Variants in APOB observed in about 807,000 individuals in gnomAD.
APOB encodes the protein apolipoprotein B-100.
In APOB, 153 loss-of-function variants were observed where a neutral mutation model predicts 314.1. The ratio of observed to expected loss-of-function variants is 0.49; its 90% CI spans 0.43 to 0.56. The LOEUF (loss-of-function observed/expected upper bound fraction) is 0.56. Ranked by LOEUF, APOB falls within the 20% of genes least tolerant of loss-of-function variation. The pLI, the probability that APOB is intolerant of heterozygous loss-of-function variation, is 0.00. For missense variants in APOB, 5,430 were observed against 5,350.7 expected (o/e 1.01, Z -0.46); for synonymous variants, 2,087 against 2,036.4 (o/e 1.02, Z -0.67).
chr2:21,005,581 G>C lies in APOB; in HGVS notation c.11287C>G (p.Leu3763Val), dbSNP rs760189378. Residue 3763 changes from leucine to valine, a missense_variant, in exon 26 of 29, where the codon CTT (leucine) becomes GTT (valine). Around this residue, in one of 3 missense-constraint regions of APOB, gnomAD observed 3,281 missense variants for 3,171.0 expected, o/e 1.03. Coordinates refer to ENST00000233242, the MANE Select transcript of APOB (RefSeq NM_000384.3). ...TAGATTTGTATTTCTCTGAAGTCAA[G>C]TTTGCACGATGGAACCTGAAGATCT... is the stretch of plus-strand genomic sequence containing the variant. Reference protein sequence around the residue: ...FTDLQVPSCKLDFREIQIYKK... With the variant: ...FTDLQVPSCKVDFREIQIYKK... The C allele has an allele frequency of 1.2e-6, 2 of 1,614,070 alleles. No homozygotes were observed. Among genetic ancestry groups the C allele is most frequent in the East Asian group, 2.2e-5 (1 of 44,888 alleles).
Position 21,006,097 on chromosome 2 carries a change from G to A in APOB, c.10771C>T (p.Leu3591Phe), listed in dbSNP as rs1442009181. The change falls in exon 26 of 29, where the codon CTC becomes TTC. Residue 3591 changes from leucine (L) to phenylalanine (F), a missense_variant. This residue lies in a region of APOB where 3,281 missense variants were observed against 3,171.0 expected (regional missense o/e 1.03). Transcript: ENST00000233242. ...AGAGCTGACATTTGCCATGGAGAGA[G>A]TTCCAGGGTGGCTTTGCTTGTATGT... is the stretch of plus-strand genomic sequence containing the variant. ...GEHTSKATLELSPWQMSALVQ... is the reference protein window; with the variant it reads ...GEHTSKATLEFSPWQMSALVQ... The A allele has an allele frequency of 1.2e-6, 2 of 1,614,056 alleles. No homozygotes were observed. The highest frequency in any genetic ancestry group is 1.7e-6 in the Non-Finnish European group (2 of 1,179,966).
Position 21,006,208 on chromosome 2 carries a change from C to T in APOB, c.10660G>A (p.Ala3554Thr). 3.7e-6 allele frequency: 6 copies of T among 1,614,032 alleles called. No homozygotes were observed. Among genetic ancestry groups the T allele is most frequent in the Non-Finnish European group, 5.1e-6 (6 of 1,179,948 alleles). Residue 3554 changes from alanine (A) to threonine (T), a missense_variant, in exon 26 of 29, where the codon GCC becomes ACC. Ala to Thr is a moderately conservative substitution (Grantham distance 58). Around this residue, in one of 3 missense-constraint regions of APOB, gnomAD observed 3,281 missense variants for 3,171.0 expected, o/e 1.03. Transcript: ENST00000233242. ...AGGGAATATATGCGTTGGAGTGTGG[C>T]TTCTCCAGCAAAATTTTCTTTTACT... ...LEVKENFAGE[A>T]TLQRIYSLWE...
intron 12 of APOB, 33 bp downstream of exon 12, chr2:21,029,606 T>G: frequency 6.2e-7 from 1 of 1,613,086 alleles, no homozygotes. Context: ...GTTAATAAAC[T>G]TTCACTTTCA....
rs773987185 is a variant in APOB, at chr2:21,023,633, C to T, written c.2496G>A (p.Met832Ile). The change falls in exon 17 of 29, where the codon ATG (methionine) becomes ATA (isoleucine). Residue 832 changes from methionine (M) to isoleucine (I), a missense_variant. Physicochemically the swap from Met to Ile is conservative, Grantham distance 10. Transcript: ENST00000233242. The part of the protein sequence containing the change: ...KNDFFLHYIF[M>I]ENAFELPTGA... ...CAGTGGGGAGTTCAAAGGCATTCTCCATGAAGATGTAGTGAAGAAAAAAGT... is the reference window on the plus strand; with the variant it reads ...CAGTGGGGAGTTCAAAGGCATTCTCTATGAAGATGTAGTGAAGAAAAAAGT... 1.9e-6 allele frequency: 3 copies of T among 1,613,932 alleles called. No individual in the cohort carries two copies. Among genetic ancestry groups the T allele is most frequent in the Admixed American group, 1.7e-5 (1 of 60,000 alleles).
intron 19 of APOB, 71 bp from the exon 20 acceptor site, chr2:21,019,184 A>G (rs984443031): frequency 6.3e-7 from 1 of 1,595,156 alleles, no homozygotes; most frequent in African/African-American, 1.3e-5. Flanking sequence ...TTCCCAAAAC[A>G]ATTCAGCCTC....
intron 6 of APOB, among the ~76,000 whole-genome samples, 161 bp from the exon 7 acceptor site, chr2:21,035,869 A>C (rs528151281): frequency 2.2e-4 from 33 of 152,342 alleles, no homozygotes; most frequent in African/African-American, 7.0e-4. Context: ...GGGTGCAACA[A>C]GTCGGCATCC....
Position 21,011,534 on chromosome 2 carries a change from C to T in APOB, c.5334G>A (p.Lys1778=), listed in dbSNP as rs778357046. Residue 1778 remains lysine, a synonymous_variant, in exon 26 of 29, where the codon AAG becomes AAA. Coordinates refer to ENST00000233242, the MANE Select transcript of APOB (RefSeq NM_000384.3). ...SKLDNIYSSD[K]FYKQTVNLQL... is the part of the protein sequence containing the mutation. Reference sequence around the variant, plus strand: ...GTAAATTAACAGTTTGCTTATAAAACTTGTCAGAGCTGTAAATGTTGTCAA... The same window carrying T: ...GTAAATTAACAGTTTGCTTATAAAATTTGTCAGAGCTGTAAATGTTGTCAA... 2.5e-6 allele frequency: 4 copies of T among 1,613,994 alleles called. No individual in the cohort carries two copies. Among genetic ancestry groups the T allele is most frequent in the Non-Finnish European group, 3.4e-6 (4 of 1,179,996 alleles).
At chr2:21,024,877 C>T (rs1663694135) in intron 16 of APOB, 56 bp downstream of exon 16, 1 of 1,566,422 alleles carries the variant, frequency 6.4e-7, no homozygotes, top group African/African-American at 1.4e-5. Context: ...TCTGGGCGAT[C>T]TAAAAAAAAA....
chr2:21,033,151 C>A (rs1663920052), intron 9 of APOB, 148 bp downstream of exon 9: 3 of 688,886 alleles, frequency 4.4e-6, no homozygotes, highest in African/African-American at 3.5e-5. Context: ...GCTGATAGTT[C>A]TCTATCCAGC....
In APOB at chr2:21,003,304, T is replaced by C; in HGVS notation, c.12118A>G (p.Lys4040Glu). The change falls in exon 29 of 29, where the codon AAA becomes GAA. Residue 4040 changes from lysine to glutamate, a missense_variant. Physicochemically the swap from Lys to Glu is moderately conservative, Grantham distance 56. Around this residue, in one of 3 missense-constraint regions of APOB, gnomAD observed 3,281 missense variants for 3,171.0 expected, o/e 1.03. Transcript: ENST00000233242. ...SSPDKKLTIF[K>E]TELRVRESDE... ...GATTCCCGGACCCTCAACTCAGTTT[T>C]GAATATGGTGAGTTTTTTATCTGGA... 1 of 1,613,700 alleles carries C rather than the reference T, an allele frequency of 6.2e-7. No homozygotes were observed. Among genetic ancestry groups the C allele is most frequent in the Non-Finnish European group, 8.5e-7 (1 of 1,179,920 alleles).
Position 21,005,223 on chromosome 2 carries a change from G to T in APOB, c.11645C>A (p.Ala3882Glu), listed in dbSNP as rs779802821. Residue 3882 changes from alanine to glutamate, a missense_variant, in exon 26 of 29, where the codon GCA (alanine) becomes GAA (glutamate). This residue lies in a region of APOB where 3,281 missense variants were observed against 3,171.0 expected (regional missense o/e 1.03). Coordinates refer to ENST00000233242, the MANE Select transcript of APOB (RefSeq NM_000384.3). ...PAGIVIPSFQ[A>E]LTARFEVDSP... Reference sequence around the variant, plus strand: ...GTCTACCTCAAAGCGTGCAGTCAGTGCTTGAAAGGAAGGAATGACAATTCC... The same window carrying T: ...GTCTACCTCAAAGCGTGCAGTCAGTTCTTGAAAGGAAGGAATGACAATTCC... 1 of 1,614,078 alleles carries T rather than the reference G, an allele frequency of 6.2e-7. No homozygotes were observed. The highest frequency in any genetic ancestry group is 8.5e-7 in the Non-Finnish European group (1 of 1,179,972).
intron 4 of APOB, among the ~76,000 whole-genome samples, chr2:21,039,223 C>T (rs1242392579): frequency 6.6e-6 from 1 of 152,242 alleles, no homozygotes; most frequent in Non-Finnish European, 1.5e-5. Context: ...GCACACTTTT[C>T]CTCACTGGCC....
intron 6 of APOB, 97 bp downstream of exon 6, chr2:21,037,003 G>C: frequency 6.7e-7 from 1 of 1,484,384 alleles, no homozygotes; most frequent in African/African-American, 1.4e-5. Context: ...GCCAGGGCAG[G>C]CTGTCCTCAA....
At chr2:21,027,729 G>A in intron 14 of APOB, 99 bp downstream of exon 14, 5 of 918,314 alleles carry the variant, frequency 5.4e-6, no homozygotes, top group Non-Finnish European at 9.0e-6. Context: ...GTGCCTGGTG[G>A]TTCTTAGTTT....
At chr2:21,003,642 G>T (rs1572776124) in intron 28 of APOB, among the ~76,000 whole-genome samples, 1 of 152,128 alleles carries the variant, frequency 6.6e-6, no homozygotes, top group East Asian at 1.9e-4. Flanking sequence ...GTGGGGGGAA[G>T]AGAAAGAAGA....
intron 12 of APOB, 23 bp downstream of exon 12, chr2:21,029,616 A>G (rs770457328): frequency 6.2e-7 from 1 of 1,613,882 alleles, no homozygotes; most frequent in Non-Finnish European, 8.5e-7. Context: ...TTTCACTTTC[A>G]GACCTCTTCT....
chr2:21,001,818 A>T lies in APOB; in HGVS notation c.13604T>A (p.Ile4535Asn). Residue 4535 changes from isoleucine (I) to asparagine (N), a missense_variant, in exon 29 of 29, where the codon ATC becomes AAC. Transcript: ENST00000233242. ...IQNYHTFLIYITELLKKLQST... is the reference protein window; with the variant it reads ...IQNYHTFLIYNTELLKKLQST... ...TTGCAGCTTTTTCAGTAACTCCGTGATGTATATCAGAAATGTGTGGTAGTT... is the reference window on the plus strand; with the variant it reads ...TTGCAGCTTTTTCAGTAACTCCGTGTTGTATATCAGAAATGTGTGGTAGTT... 1 of 1,614,006 alleles carries T rather than the reference A, an allele frequency of 6.2e-7. No homozygotes were observed. The highest frequency in any genetic ancestry group is 8.5e-7 in the Non-Finnish European group (1 of 1,179,956).
In APOB at chr2:21,042,402, C is replaced by A; in HGVS notation, c.196G>T (p.Gly66Trp). ...GTGGCACTTCTTGAATCAGCAGTCC[C>A]AGGGACTCCACTGGAACTCTCAGCC... ...YEAESSSGVP[G>W]TADSRSATRI... is the part of the protein sequence containing the mutation. The change falls in exon 3 of 29, where the codon GGG (glycine) becomes TGG (tryptophan). Residue 66 changes from glycine (G) to tryptophan (W), a missense_variant. Gly to Trp is a radical substitution (Grantham distance 184). This residue lies in a region of APOB where 2,085 missense variants were observed against 2,079.7 expected (regional missense o/e 1.00). Transcript: ENST00000233242. The A allele has an allele frequency of 6.2e-7, 1 of 1,614,098 alleles. No individual in the cohort carries two copies. The highest frequency in any genetic ancestry group is 8.5e-7 in the Non-Finnish European group (1 of 1,180,022).
chr2:21,015,686 A>G lies in APOB; in HGVS notation c.3333-141T>C. 1.4e-5 allele frequency: 13 copies of G among 904,038 alleles called. 1 individual carries two copies. The South Asian group carries it at 1.7e-4, about 12-fold the overall frequency. 56.0% of individuals were successfully genotyped at this position (904,038 alleles called of 1,614,324 possible). A position where few individuals can be genotyped will look rare whatever the true frequency, so the allele number is the denominator to read the frequency against. Reference sequence around the variant, plus strand: ...GAAACAGCCACAGATCAAACTCATCAACTTCTAAAGCCAACATTCAGCACA... The same window carrying G: ...GAAACAGCCACAGATCAAACTCATCGACTTCTAAAGCCAACATTCAGCACA... On this transcript the variant is annotated intron_variant, in intron 21 of 28. Coordinates refer to ENST00000233242, the MANE Select transcript of APOB (RefSeq NM_000384.3).
Sources: allele counts gnomAD v4.1 joint callset (sites outside exome capture counted in the v4.1 genomes callset), GRCh38; gene constraint gnomAD v4.1.1; regional missense constraint gnomAD v4.1.1; transcripts MANE v1.5; gene names NCBI Gene and HGNC (gene_info 2026-07-23, HGNC 2026-07-21).